Variants in NTRK1 observed in about 807,000 individuals in gnomAD.
NTRK1 encodes the protein high affinity nerve growth factor receptor.
A neutral mutation model predicts 86.8 loss-of-function variants in NTRK1; 62 were observed. The ratio of observed to expected loss-of-function variants is 0.71; its 90% CI spans 0.58 to 0.88. The LOEUF (loss-of-function observed/expected upper bound fraction) is 0.88, where lower values mean the gene tolerates loss of function less well. NTRK1 is among the 40% of genes least tolerant of loss of function. The pLI, the probability that NTRK1 is intolerant of heterozygous loss-of-function variation, is 0.00. For synonymous variants in NTRK1, 469 were observed against 456.6 expected (o/e 1.03, Z -0.35); for missense variants, 967 against 1,078.4 (o/e 0.90, Z 1.45).
intron 2 of NTRK1, among the ~76,000 whole-genome samples, chr1:156,850,846 C>G (rs754333668): frequency 6.6e-6 from 1 of 152,152 alleles, no homozygotes; most frequent in Non-Finnish European, 1.5e-5. Context: ...TGTGAGCCAC[C>G]GTGCCTGGCT....
intron 16 of NTRK1, among the ~76,000 whole-genome samples, chr1:156,881,238 C>G (rs953169627): frequency 3.9e-5 from 6 of 152,194 alleles, no homozygotes; most frequent in African/African-American, 1.4e-4. Context: ...TACCCCAGCC[C>G]AAGCTTCCCA....
intron 4 of NTRK1, 143 bp from the exon 5 acceptor site, chr1:156,867,960 TG>T (rs1320316683): frequency 2.2e-6 from 2 of 906,148 alleles, no homozygotes; most frequent in African/African-American, 3.3e-5. Flanking sequence ...AATAACATCC[TG>T]TTACTGGAGT....
At chr1:156,849,462 TG>T in intron 2 of NTRK1, 1 of 1,095,218 alleles carries the variant, frequency 9.1e-7, no homozygotes, top group Non-Finnish European at 1.2e-6. Context: ...GTGTAGTTCC[TG>T]GGGGAGGCCA....
chr1:156,845,850 C>T (rs1654982587), intron 2 of NTRK1: 2 of 1,584,592 alleles, frequency 1.3e-6, no homozygotes, highest in Non-Finnish European at 8.6e-7. Context: ...GTAAGACAGG[C>T]GGTCTACCCG....
In NTRK1 at chr1:156,817,047, TTC is replaced by T. The variant is rs3840456; in HGVS notation, c.-64+1236_-64+1237del. On this transcript the variant is annotated intron_variant, in intron 1 of 16. Coordinates refer to the NTRK1 transcript ENST00000392302. ...CCTCACCCCAAACTAGAACTTCCCT[TTC>T]TCTCTCTCTCTCTCTCTCTCTCTCT... is the stretch of plus-strand genomic sequence containing the variant. 7.4e-4 allele frequency among the ~76,000 whole-genome samples: 84 copies of T among 113,808 alleles called. 5 individuals are homozygous for T. Among genetic ancestry groups the T allele is most frequent in the South Asian group, 7.0e-3 (22 of 3,146 alleles). The allele number at this position is 113,808 out of a possible 152,430, so 74.7% of individuals were successfully genotyped here.
chr1:156,834,725 G>A (rs1323476061), intron 1 of NTRK1, among the ~76,000 whole-genome samples: 1 of 149,738 alleles, frequency 6.7e-6, no homozygotes, highest in African/African-American at 2.5e-5. Flanking sequence ...CCTGTTTCAA[G>A]AAGAAAAAAA....
intron 2 of NTRK1, chr1:156,853,672 C>T (rs1655307646): frequency 2.2e-6 from 3 of 1,384,720 alleles, no homozygotes; most frequent in Non-Finnish European, 3.0e-6. Context: ...AGTACTGACC[C>T]ACACCATCCT....
In NTRK1 at chr1:156,851,621, G is replaced by T. The variant is rs1007650004; in HGVS notation, c.50+9428G>T. 11 of 1,614,008 alleles carry T rather than the reference G, an allele frequency of 6.8e-6. No individual in the cohort carries two copies. The Admixed American group carries it at 1.2e-4, about 17-fold the overall frequency. On this transcript the variant is annotated intron_variant, in intron 2 of 16. Coordinates refer to the NTRK1 transcript ENST00000392302. ...AGGAAGGGTATGACCAGGAGGAGGG[G>T]TGTGGCCCCAAAGTAGGTACTGACA...
intron 2 of NTRK1, chr1:156,846,218 TC>T: frequency 7.9e-7 from 1 of 1,258,672 alleles, no homozygotes; most frequent in Non-Finnish European, 1.1e-6. Flanking sequence ...AGCCTTGTTC[TC>T]CCAAAGAATA....
Position 156,881,746 on chromosome 1 carries a change from T to C in NTRK1, c.*104T>C. Reference sequence around the variant, plus strand: ...CCCAGGGTGATCTCAAAGTATCTAATTCACCCTCAGCATGTGGGAAGGGAC... The same window carrying C: ...CCCAGGGTGATCTCAAAGTATCTAACTCACCCTCAGCATGTGGGAAGGGAC... On this transcript the variant is annotated 3_prime_UTR_variant, in exon 17 of 17. Coordinates refer to ENST00000524377, the MANE Select transcript of NTRK1 (RefSeq NM_002529.4). 8.4e-7 allele frequency: 1 copy of C among 1,197,086 alleles called. No homozygotes were observed. The highest frequency in any genetic ancestry group is 1.1e-6 in the Non-Finnish European group (1 of 875,430). 74.2% of individuals were successfully genotyped at this position (1,197,086 alleles called of 1,614,324 possible).
At chr1:156,852,347 C>T (rs1315436397) in intron 2 of NTRK1, among the ~76,000 whole-genome samples, 1 of 152,260 alleles carries the variant, frequency 6.6e-6, no homozygotes, top group African/African-American at 2.4e-5. Flanking sequence ...CTGTTCCCCT[C>T]CGATGGGATT....
chr1:156,861,118 C>A lies in NTRK1; in HGVS notation c.184C>A (p.Leu62Met). 1.9e-6 allele frequency: 3 copies of A among 1,582,150 alleles called. No homozygotes were observed. The highest frequency in any genetic ancestry group is 8.6e-7 in the Non-Finnish European group (1 of 1,167,952). ...TGGGGCCCTGGATAGCCTCCACCAC[C>A]TGCCCGGCGCAGAGAACCTGACTGA... The part of the protein sequence containing the change: ...RDGALDSLHH[L>M]PGAENLTELY... The change falls in exon 1 of 17, where the codon CTG becomes ATG. Residue 62 changes from leucine to methionine, a missense_variant. Leu to Met is a conservative substitution (Grantham distance 15). Transcript: ENST00000524377.
rs777003922 is a variant in NTRK1, at chr1:156,881,614, C to T, written c.2363C>T (p.Pro788Leu). 1.9e-6 allele frequency: 3 copies of T among 1,610,028 alleles called. No individual in the cohort carries two copies. Among genetic ancestry groups the T allele is most frequent in the Non-Finnish European group, 1.7e-6 (2 of 1,178,660 alleles). ...HARLQALAQA[P>L]PVYLDVLG is the part of the protein sequence containing the mutation. Reference sequence around the variant, plus strand: ...CGGCTGCAAGCCCTGGCCCAGGCACCTCCTGTCTACCTGGATGTCCTGGGC... The same window carrying T: ...CGGCTGCAAGCCCTGGCCCAGGCACTTCCTGTCTACCTGGATGTCCTGGGC... Residue 788 changes from proline to leucine, a missense_variant, in exon 17 of 17, where the codon CCT (proline) becomes CTT (leucine). Around this residue, in one of 2 missense-constraint regions of NTRK1, gnomAD observed 637 missense variants for 776.5 expected, o/e 0.82. Coordinates refer to ENST00000524377, the MANE Select transcript of NTRK1 (RefSeq NM_002529.4).
intron 13 of NTRK1, 58 bp from the exon 14 acceptor site, chr1:156,876,342 T>C: frequency 1.2e-6 from 2 of 1,610,680 alleles, no homozygotes; most frequent in Non-Finnish European, 8.5e-7. Flanking sequence ...CTGCCCTGGG[T>C]GAACAGCAGT....
In NTRK1 at chr1:156,875,548, G is replaced by C. The variant is rs2102915237; in HGVS notation, c.1383G>C (p.Gly461=). ...NRPAVLAPED[G]LAMSLHFMTL... is the part of the protein sequence containing the mutation. ...CGGCTGTGCTGGCTCCAGAGGATGG[G>C]CTGGCCATGTCCCTGCATTTCATGA... Residue 461 remains glycine, a synonymous_variant, in exon 12 of 17, where the codon GGG becomes GGC. Coordinates refer to ENST00000524377, the MANE Select transcript of NTRK1 (RefSeq NM_002529.4). 1 of 1,613,920 alleles carries C rather than the reference G, an allele frequency of 6.2e-7. No homozygotes were observed. The highest frequency in any genetic ancestry group is 8.5e-7 in the Non-Finnish European group (1 of 1,180,008).
intron 2 of NTRK1, chr1:156,844,830 A>G: frequency 6.2e-7 from 1 of 1,613,926 alleles, no homozygotes; most frequent in Non-Finnish European, 8.5e-7. Context: ...TTCCTGGAAT[A>G]CCATCAGCCT....
chr1:156,821,892 C>T (rs1654201452), intron 1 of NTRK1, among the ~76,000 whole-genome samples: 1 of 152,140 alleles, frequency 6.6e-6, no homozygotes, highest in Admixed American at 6.5e-5. Context: ...TCCTCTGGAC[C>T]TTGATGTCTA....
chr1:156,841,462 A>G (rs774210879), intron 1 of NTRK1: 1 of 1,613,930 alleles, frequency 6.2e-7, no homozygotes, highest in Admixed American at 1.7e-5. Flanking sequence ...GCACCTGCTC[A>G]TTGGACAGGC....
chr1:156,854,434 T>A lies in NTRK1; in HGVS notation c.51-9920T>A. 4 of 997,756 alleles carry A rather than the reference T, an allele frequency of 4.0e-6. No individual in the cohort carries two copies. The highest frequency in any genetic ancestry group is 3.3e-5 in the South Asian group (2 of 59,732). 61.8% of individuals were successfully genotyped at this position (997,756 alleles called of 1,614,324 possible). A position where few individuals can be genotyped will look rare whatever the true frequency, so the allele number is the denominator to read the frequency against. ...GAGGAGCCGGGCTCTGCTCTGGGTG[T>A]GGGGTGGCCTCCTTCCTGGGCCCCG... On this transcript the variant is annotated intron_variant, in intron 2 of 16. Coordinates refer to the NTRK1 transcript ENST00000392302. The surrounding 1 kb of genome is among the most constrained non-coding windows in gnomAD (Gnocchi z 4.2).
Sources: gnomAD v4.1 joint callset for allele counts (sites outside exome capture counted in the v4.1 genomes callset) on GRCh38, gnomAD v4.1.1 for gene constraint, gnomAD v4.1.1 regional missense constraint, Gnocchi (gnomAD v3.1) non-coding constraint, MANE v1.5 for transcripts, NCBI Gene and HGNC (gene_info 2026-07-23, HGNC 2026-07-21) for gene names.